The following FBN1 variants were observed in gnomAD, a reference collection of about 807,000 sequenced individuals.
FBN1 encodes fibrillin-1.
Under a neutral mutation model 365.1 loss-of-function variants are expected in FBN1, and 29 were observed. That is an observed-to-expected ratio of 0.08 (90% CI 0.06 to 0.11). The LOEUF (loss-of-function observed/expected upper bound fraction) is 0.11, where lower values mean the gene tolerates loss of function less well. Ranked by LOEUF, FBN1 falls within the 10% of genes least tolerant of loss-of-function variation. The probability of loss-of-function intolerance (pLI) is 1.00; values close to 1 mark genes in which losing one functional copy is unlikely to be tolerated. For synonymous variants in FBN1, 1,210 were observed against 1,270.5 expected (o/e 0.95, Z 1.01); for missense variants, 2,476 against 3,703.2 (o/e 0.67, Z 8.60).
In FBN1 at chr15:48,508,663, T is replaced by C; in HGVS notation, c.1756A>G (p.Met586Val). 6.2e-7 allele frequency: 1 copy of C among 1,613,800 alleles called. No homozygotes were observed. The highest frequency in any genetic ancestry group is 8.5e-7 in the Non-Finnish European group (1 of 1,179,734). ...AAACTGCCATCTTCATTGATACACA[T>C]TCCATTAAGGCACATGTTCCTTATG... Reference protein sequence around the residue: ...CSIRNMCLNGMCINEDGSFKC... With the variant: ...CSIRNMCLNGVCINEDGSFKC... Residue 586 changes from methionine (M) to valine (V), a missense_variant, in exon 15 of 66, where the codon ATG (methionine) becomes GTG (valine). Met to Val is a conservative substitution (Grantham distance 21, BLOSUM62 1). Transcript: ENST00000316623.
chr15:48,498,977 A>G lies in FBN1; in HGVS notation c.2167+8T>C, dbSNP rs1271661722. On this transcript the variant is annotated splice_region_variant and intron_variant, in intron 18 of 65. Coordinates refer to ENST00000316623, the MANE Select transcript of FBN1 (RefSeq NM_000138.5). ...CTGAAGGTAGTAAATTTTGAAAGGA[A>G]TCCTTACCACTGCCTGCTGACGTCA... 1 of 1,613,940 alleles carries G rather than the reference A, an allele frequency of 6.2e-7. No homozygotes were observed. The highest frequency in any genetic ancestry group is 2.2e-5 in the East Asian group (1 of 44,898).
intron 13 of FBN1, among the ~76,000 whole-genome samples, chr15:48,513,273 T>C (rs1039279479): frequency 2.6e-5 from 4 of 152,228 alleles, no homozygotes; most frequent in African/African-American, 9.6e-5. Context: ...ACTTCTCAGA[T>C]GAAAACTTAA....
intron 30 of FBN1, among the ~76,000 whole-genome samples, chr15:48,484,283 T>C (rs1252427258): frequency 6.6e-6 from 1 of 152,178 alleles, no homozygotes; most frequent in Admixed American, 6.5e-5. Flanking sequence ...GCCTGAATTC[T>C]ATCAACTGTT....
intron 52 of FBN1, 106 bp from the exon 53 acceptor site, chr15:48,437,183 A>T: frequency 9.2e-7 from 1 of 1,091,238 alleles, no homozygotes; most frequent in Non-Finnish European, 1.4e-6. Context: ...ATAATGCAAT[A>T]ATATAATTGC....
At chr15:48,495,390 A>G (rs537697067) in intron 21 of FBN1, 79 bp downstream of exon 21, 1 of 1,594,678 alleles carries the variant, frequency 6.3e-7, no homozygotes, top group South Asian at 1.1e-5. Flanking sequence ...CCATACTTAA[A>G]TTCTTTTGCA....
At chr15:48,562,659 A>T (rs2044231772) in intron 6 of FBN1, among the ~76,000 whole-genome samples, 1 of 152,188 alleles carries the variant, frequency 6.6e-6, no homozygotes, top group African/African-American at 2.4e-5. Context: ...GGTGATGCCA[A>T]CTAATGGACT....
In FBN1 at chr15:48,420,585, T is replaced by C. The variant is rs2042932466; in HGVS notation, c.7819+102A>G. ...GGTTAGGGCAATTTTAAATGAGTAT[T>C]TGTTGCTTCAATAACACATTTACAG... On this transcript the variant is annotated intron_variant, in intron 63 of 65. Coordinates refer to ENST00000316623, the MANE Select transcript of FBN1 (RefSeq NM_000138.5). 8.7e-6 allele frequency: 13 copies of C among 1,489,342 alleles called. 1 individual carries two copies. In the Middle Eastern group the frequency reaches 1.7e-3, roughly 196 times the overall value. 92.3% of individuals were successfully genotyped at this position (1,489,342 alleles called of 1,614,324 possible). A position where few individuals can be genotyped will look rare whatever the true frequency, so the allele number is the denominator to read the frequency against.
chr15:48,578,599 A>G (rs920858067), intron 6 of FBN1, among the ~76,000 whole-genome samples: 4 of 152,158 alleles, frequency 2.6e-5, no homozygotes, highest in African/African-American at 9.7e-5. Flanking sequence ...ATTGACTTCC[A>G]CAATGGCAAA....
intron 42 of FBN1, among the ~76,000 whole-genome samples, chr15:48,461,079 G>C (rs898546561): frequency 6.6e-6 from 1 of 152,154 alleles, no homozygotes; most frequent in African/African-American, 2.4e-5. Context: ...ATCAGTAAAA[G>C]ATTTCTGGAA....
chr15:48,545,713 T>C (rs894464940), intron 6 of FBN1, among the ~76,000 whole-genome samples: 1 of 152,160 alleles, frequency 6.6e-6, no homozygotes, highest in African/African-American at 2.4e-5. Flanking sequence ...ATCTTATGTA[T>C]ACTTTAACAC....
intron 4 of FBN1, among the ~76,000 whole-genome samples, 178 bp downstream of exon 4, chr15:48,610,550 G>A (rs1178041233): frequency 6.6e-6 from 1 of 152,174 alleles, no homozygotes; most frequent in Non-Finnish European, 1.5e-5. Flanking sequence ...GAGTAAAGAA[G>A]GGAAATGAGA....
intron 64 of FBN1, among the ~76,000 whole-genome samples, chr15:48,415,106 G>C (rs923067468): frequency 6.6e-6 from 1 of 152,128 alleles, no homozygotes; most frequent in Non-Finnish European, 1.5e-5. Context: ...GGATGTCTTT[G>C]ACTTATTCTA....
At chr15:48,542,484 A>G (rs1044110917) in intron 6 of FBN1, among the ~76,000 whole-genome samples, 13 of 152,280 alleles carry the variant, frequency 8.5e-5, no homozygotes, top group Admixed American at 2.0e-4. Context: ...TTTCAATACA[A>G]CTTTCTGAGG....
rs537283531 is a variant in FBN1 at position 48,533,066 on chromosome 15, C to T, written c.862+1014G>A. On this transcript the variant is annotated intron_variant, in intron 8 of 65. Transcript: ENST00000316623. ...TATGAATTGCACCTTAAATTTAAAG[C>T]TGTCTTTTGCTCATCTGATATACAG... is the stretch of plus-strand genomic sequence containing the variant. 1.5e-3 allele frequency among the ~76,000 whole-genome samples: 221 copies of T among 152,254 alleles called. 1 individual carries two copies. Among genetic ancestry groups the T allele is most frequent in the African/African-American group, 5.2e-3 (215 of 41,560 alleles).
chr15:48,626,145 C>G (rs937343328), intron 2 of FBN1, among the ~76,000 whole-genome samples: 6 of 151,518 alleles, frequency 4.0e-5, no homozygotes, highest in African/African-American at 1.5e-4. Flanking sequence ...AGCTTCCCAG[C>G]TACTTGGAAG....
At chr15:48,631,349 T>C (rs949089428) in intron 2 of FBN1, among the ~76,000 whole-genome samples, 1 of 152,062 alleles carries the variant, frequency 6.6e-6, no homozygotes, top group Non-Finnish European at 1.5e-5. Context: ...CCAATCTGAG[T>C]CAGCCTGTCC....
chr15:48,615,901 T>C (rs1036826085), intron 2 of FBN1, among the ~76,000 whole-genome samples: 1 of 152,116 alleles, frequency 6.6e-6, no homozygotes, highest in Non-Finnish European at 1.5e-5. Flanking sequence ...AAAACAGAAA[T>C]GTTTCAACCT....
chr15:48,492,696 A>G (rs2043571795), intron 23 of FBN1, 110 bp from the exon 24 acceptor site: 2 of 946,660 alleles, frequency 2.1e-6, no homozygotes, highest in South Asian at 3.3e-5. Flanking sequence ...TAAGTTCATA[A>G]AACTAGTTTG....
At chr15:48,625,133 A>C (rs1889851540) in intron 2 of FBN1, among the ~76,000 whole-genome samples, 1 of 152,162 alleles carries the variant, frequency 6.6e-6, no homozygotes, top group Admixed American at 6.5e-5. Flanking sequence ...CAATTGACAA[A>C]CAGGTAGAGC....
Sources: allele counts gnomAD v4.1 joint callset (sites outside exome capture counted in the v4.1 genomes callset), GRCh38; gene constraint gnomAD v4.1.1; transcripts MANE v1.5; gene names NCBI Gene and HGNC (gene_info 2026-07-23, HGNC 2026-07-21).